Variants in LGSN observed in about 807,000 individuals in gnomAD.
The protein encoded by LGSN is lengsin.
A neutral mutation model predicts 19.5 loss-of-function variants in LGSN; 21 were observed. The observed-to-expected ratio is 1.07, with a 90% CI of 0.76 to 1.55. The LOEUF (loss-of-function observed/expected upper bound fraction) is 1.55, where lower values mean the gene tolerates loss of function less well. Ranked by LOEUF, LGSN falls within the 40% of genes most tolerant of loss-of-function variation. The pLI is 0.00. For missense variants in LGSN, 673 were observed against 608.5 expected (o/e 1.11, Z -1.12); for synonymous variants, 257 against 215.6 (o/e 1.19, Z -1.68).
chr6:63,491,620 A>G, the LGSN span, among the ~76,000 whole-genome samples: 2 of 152,254 alleles, frequency 1.3e-5, no homozygotes, highest in Admixed American at 1.3e-4. Context: ...TAAATAATCA[A>G]TAACTTCCTG....
At chr6:63,291,527 A>T (rs1184012583) in intron 2 of LGSN, among the ~76,000 whole-genome samples, 2 of 152,098 alleles carry the variant, frequency 1.3e-5, no homozygotes, top group Non-Finnish European at 2.9e-5. Context: ...CCACCTTCAG[A>T]TGCTCCTTCC....
chr6:63,368,700 G>A, the LGSN span, among the ~76,000 whole-genome samples: 1 of 152,018 alleles, frequency 6.6e-6, no homozygotes, highest in Non-Finnish European at 1.5e-5. Flanking sequence ...CATTTATTTT[G>A]TTTATTGTCT....
At chr6:63,333,078 A>G in the LGSN span, among the ~76,000 whole-genome samples, 1 of 151,752 alleles carries the variant, frequency 6.6e-6, no homozygotes, top group African/African-American at 2.4e-5. Flanking sequence ...AGCAAGATTT[A>G]TTGCAAAAAG....
chr6:63,438,388 A>G, the LGSN span, among the ~76,000 whole-genome samples: 9 of 152,336 alleles, frequency 5.9e-5, no homozygotes, highest in South Asian at 1.9e-3. Context: ...TCTGCACAGT[A>G]AAAGAAACTA....
the LGSN span, among the ~76,000 whole-genome samples, chr6:63,401,448 G>GTTAA: frequency 6.7e-6 from 1 of 150,030 alleles, no homozygotes; most frequent in Admixed American, 6.6e-5. Context: ...AATTCAAAAA[G>GTTAA]TTAATAATTA....
At chr6:63,401,303 G>A in the LGSN span, among the ~76,000 whole-genome samples, 7 of 151,796 alleles carry the variant, frequency 4.6e-5, no homozygotes, top group East Asian at 1.4e-3. Context: ...GGGAGGCTGA[G>A]GTGGGAGGAT....
chr6:63,281,248 A>C (rs1245060678), intron 3 of LGSN, 28 bp from the exon 4 acceptor site: 1 of 1,428,842 alleles, frequency 7.0e-7, no homozygotes, highest in Non-Finnish European at 9.2e-7. Flanking sequence ...TGAAGAAATT[A>C]GGTTTTGAAA....
the LGSN span, among the ~76,000 whole-genome samples, chr6:63,370,728 G>T: frequency 3.3e-5 from 5 of 152,326 alleles, no homozygotes; most frequent in East Asian, 7.7e-4. Context: ...CATTCTGCTT[G>T]CCAAGTATCA....
At chr6:63,418,009 T>C in the LGSN span, among the ~76,000 whole-genome samples, 10 of 152,210 alleles carry the variant, frequency 6.6e-5, no homozygotes, top group South Asian at 2.1e-4. Context: ...TATTTAACTA[T>C]ATGGAGATAA....
chr6:63,291,272 TC>T (rs1327439181), intron 2 of LGSN, among the ~76,000 whole-genome samples: 1 of 152,140 alleles, frequency 6.6e-6, no homozygotes, highest in Non-Finnish European at 1.5e-5. Flanking sequence ...CAGTGGAAAT[TC>T]CGGGTAACGG....
At chr6:63,521,448 A>G in the LGSN span, among the ~76,000 whole-genome samples, 1 of 152,212 alleles carries the variant, frequency 6.6e-6, no homozygotes, top group Non-Finnish European at 1.5e-5. Flanking sequence ...CCTTCCATGT[A>G]GGAACACACC....
chr6:63,312,537 C>T (rs1023553633), intron 1 of LGSN, among the ~76,000 whole-genome samples: 14 of 152,106 alleles, frequency 9.2e-5, no homozygotes, highest in South Asian at 2.1e-4. Flanking sequence ...GTAGAGCTTT[C>T]GTCCATGTAT....
At chr6:63,526,803 GTATATA>G in the LGSN span, among the ~76,000 whole-genome samples, 89 of 101,440 alleles carry the variant, frequency 8.8e-4, 1 homozygote, top group South Asian at 5.6e-3. Context: ...TCTCAAAAAT[GTATATA>G]TATATATATA....
upstream of LGSN, among the ~76,000 whole-genome samples, chr6:63,323,547 C>A (rs1296976085): frequency 7.4e-6 from 1 of 134,868 alleles, no homozygotes; most frequent in African/African-American, 2.8e-5. Flanking sequence ...TTGAGAGCAC[C>A]AAAACCTCAT....
the LGSN span, among the ~76,000 whole-genome samples, chr6:63,344,002 A>G: frequency 6.6e-6 from 1 of 152,114 alleles, no homozygotes; most frequent in Non-Finnish European, 1.5e-5. Flanking sequence ...AGTCCTACAG[A>G]TGGAAGCCAC....
At chr6:63,524,547 C>T in the LGSN span, among the ~76,000 whole-genome samples, 148 of 151,880 alleles carry the variant, frequency 9.7e-4, no homozygotes, top group Middle Eastern at 3.4e-3. Context: ...ATTTATTGTT[C>T]AATATGTTTC....
chr6:63,509,974 T>C, the LGSN span, among the ~76,000 whole-genome samples: 3 of 152,216 alleles, frequency 2.0e-5, no homozygotes, highest in African/African-American at 7.2e-5. Flanking sequence ...CATGAGTATG[T>C]GATAATTATA....
the LGSN span, among the ~76,000 whole-genome samples, chr6:63,448,925 A>G: frequency 6.6e-6 from 1 of 152,228 alleles, no homozygotes; most frequent in Non-Finnish European, 1.5e-5. Context: ...AACAACAAAA[A>G]ATACAAATTT....
the LGSN span, among the ~76,000 whole-genome samples, chr6:63,409,790 C>T: frequency 6.6e-6 from 1 of 152,164 alleles, no homozygotes; most frequent in East Asian, 1.9e-4. Flanking sequence ...AATCCCAGCA[C>T]TTTGGAAGGC....
Sources: allele counts gnomAD v4.1 joint callset (sites outside exome capture counted in the v4.1 genomes callset), GRCh38; gene constraint gnomAD v4.1.1; transcripts MANE v1.5; gene names NCBI Gene and HGNC (gene_info 2026-07-23, HGNC 2026-07-21).